The following FCHO2 variants were observed in gnomAD, a reference collection of about 807,000 sequenced individuals.
FCHO2 encodes the protein FCH and mu domain containing endocytic adaptor 2, also known as F-BAR domain only protein 2.
In FCHO2, 43 loss-of-function variants were observed where a neutral mutation model predicts 114.1. The observed-to-expected ratio is 0.38, with a 90% confidence interval of 0.30 to 0.49. The LOEUF is 0.49. Ranked by LOEUF, FCHO2 falls within the 20% of genes least tolerant of loss-of-function variation. The pLI is 0.97. For synonymous variants in FCHO2, 293 were observed against 315.2 expected, an observed-to-expected ratio of 0.93 and a Z score of 0.75; for missense variants, 807 against 950.4, an observed-to-expected ratio of 0.85 and a Z score of 1.98.
At chr5:73,081,645 G>A (rs558126895) in intron 22 of FCHO2, 138 bp from the exon 23 acceptor site, 14 of 531,730 alleles carry the variant, frequency 2.6e-5, no homozygotes, top group African/African-American at 3.9e-5. Flanking sequence ...AGATAGGTCT[G>A]CTTCACTCTG....
intron 2 of FCHO2, among the ~76,000 whole-genome samples, chr5:72,971,468 T>C (rs1273523727): frequency 6.6e-6 from 1 of 152,246 alleles, no homozygotes; most frequent in East Asian, 1.9e-4. Flanking sequence ...TGAGCATTTT[T>C]TCATGTGTTT....
chr5:73,072,137 T>C (rs773796724), intron 19 of FCHO2, among the ~76,000 whole-genome samples: 2 of 151,854 alleles, frequency 1.3e-5, no homozygotes, highest in Non-Finnish European at 2.9e-5. Context: ...CAAGCAGTCC[T>C]CCCACCTCAG....
chr5:73,066,059 A>G (rs1336947550), intron 18 of FCHO2, among the ~76,000 whole-genome samples: 1 of 152,038 alleles, frequency 6.6e-6, no homozygotes, highest in African/African-American at 2.4e-5. Context: ...ATGTTGCTGA[A>G]TGAATTATTC....
At chr5:73,000,657 C>T (rs1023084119) in intron 5 of FCHO2, among the ~76,000 whole-genome samples, 5 of 151,820 alleles carry the variant, frequency 3.3e-5, no homozygotes, top group African/African-American at 1.2e-4. Flanking sequence ...TGCCTGTAAT[C>T]CCAGCTACTC....
intron 22 of FCHO2, 62 bp downstream of exon 22, chr5:73,078,374 T>C: frequency 2.8e-6 from 4 of 1,409,920 alleles, no homozygotes; most frequent in South Asian, 1.4e-5. Flanking sequence ...ATCTAGCATA[T>C]AAATGAATAA....
chr5:73,065,331 A>G (rs1758014284), intron 18 of FCHO2, among the ~76,000 whole-genome samples: 2 of 151,964 alleles, frequency 1.3e-5, no homozygotes, highest in Admixed American at 1.3e-4. Context: ...TGATCGTGTT[A>G]TAAAATTTGG....
At chr5:73,085,384 T>C (rs1743263707) in intron 24 of FCHO2, among the ~76,000 whole-genome samples, 1 of 152,162 alleles carries the variant, frequency 6.6e-6, no homozygotes, top group Admixed American at 6.5e-5. Context: ...AACCAGATTT[T>C]AAGTTTCCCT....
intron 22 of FCHO2, among the ~76,000 whole-genome samples, 176 bp from the exon 23 acceptor site, chr5:73,081,607 C>G (rs1409524960): frequency 6.6e-6 from 1 of 152,126 alleles, no homozygotes; most frequent in Non-Finnish European, 1.5e-5. Context: ...AGTAGGTCCC[C>G]ACATTGAGAA....
intron 6 of FCHO2, among the ~76,000 whole-genome samples, chr5:73,013,009 T>C (rs1320794315): frequency 6.6e-6 from 1 of 152,214 alleles, no homozygotes; most frequent in Non-Finnish European, 1.5e-5. Flanking sequence ...AATTAATGGC[T>C]ACCTGTCTGA....
At position 73,081,973 on chromosome 5, in the gene FCHO2, C is replaced by T. The variant is rs751475360; in HGVS notation, c.2171C>T (p.Pro724Leu). 3.3e-6 allele frequency: 5 copies of T among 1,510,484 alleles called. No individual in the cohort carries two copies. The highest frequency in any genetic ancestry group is 4.5e-6 in the Non-Finnish European group (5 of 1,123,382). 93.6% of individuals were successfully genotyped at this position (1,510,484 alleles called of 1,614,324 possible). A position where few individuals can be genotyped will look rare whatever the true frequency, so the allele number is the denominator to read the frequency against. Residue 724 changes from proline (P) to leucine (L), a missense_variant, in exon 23 of 26, where the codon CCT becomes CTT. Pro to Leu is a moderately conservative substitution (Grantham distance 98, BLOSUM62 -3). Transcript: ENST00000430046. ...GTAACGAACATGCAGTCCCTTCCCC[C>T]TGCAATATGGTAAATTAAACATACG... ...GGVTNMQSLP[P>L]AIWNAEQMKA...
At chr5:73,012,175 G>A (rs547959922) in intron 6 of FCHO2, among the ~76,000 whole-genome samples, 40 of 152,272 alleles carry the variant, frequency 2.6e-4, no homozygotes, top group African/African-American at 8.9e-4. Context: ...CACCACAAAC[G>A]TGAGTAATGC....
chr5:73,087,039 C>T (rs574120956), intron 24 of FCHO2, among the ~76,000 whole-genome samples: 1 of 152,236 alleles, frequency 6.6e-6, no homozygotes, highest in African/African-American at 2.4e-5. Context: ...CTGTTCCTGC[C>T]ATTCCATTAG....
At position 73,077,451 on chromosome 5, in the gene FCHO2, G is replaced by A. The variant is rs1742950244; in HGVS notation, c.1805G>A (p.Ser602Asn). The change falls in exon 21 of 26, where the codon AGC (serine) becomes AAC (asparagine). Residue 602 changes from serine to asparagine, a missense_variant. Coordinates refer to ENST00000430046, the MANE Select transcript of FCHO2 (RefSeq NM_138782.3). Reference protein sequence around the residue: ...AVLCFRVKNISRLEQILPNAQ... With the variant: ...AVLCFRVKNINRLEQILPNAQ... ...TTGTGCTTCAGGGTGAAAAATATCAGCAGACTAGAGCAGATTCTTCCAAAT... is the reference window on the plus strand; with the variant it reads ...TTGTGCTTCAGGGTGAAAAATATCAACAGACTAGAGCAGATTCTTCCAAAT... The A allele has an allele frequency of 1.9e-6, 3 of 1,602,456 alleles. No homozygotes were observed. Among genetic ancestry groups the A allele is most frequent in the Admixed American group, 1.7e-5 (1 of 58,208 alleles).
chr5:73,073,306 T>C (rs1188643669), intron 19 of FCHO2, among the ~76,000 whole-genome samples: 1 of 152,092 alleles, frequency 6.6e-6, no homozygotes, highest in Non-Finnish European at 1.5e-5. Context: ...CTCTCAAACA[T>C]TATCAGTGGT....
chr5:73,033,125 G>A (rs1756320700), intron 8 of FCHO2, among the ~76,000 whole-genome samples: 2 of 152,054 alleles, frequency 1.3e-5, no homozygotes, highest in Non-Finnish European at 2.9e-5. Flanking sequence ...TTCCAGATTT[G>A]CAGAATGGGT....
At chr5:72,997,377 A>C in intron 5 of FCHO2, 1 of 1,592,584 alleles carries the variant, frequency 6.3e-7, no homozygotes, top group Non-Finnish European at 8.6e-7. Context: ...AAGACGAGAT[A>C]CTACGGACAG....
intron 5 of FCHO2, among the ~76,000 whole-genome samples, chr5:73,000,489 A>AG (rs1754377456): frequency 6.7e-6 from 1 of 150,164 alleles, no homozygotes; most frequent in African/African-American, 2.5e-5. Flanking sequence ...AAAAAAAAAA[A>AG]AAAAAGCTGG....
intron 18 of FCHO2, among the ~76,000 whole-genome samples, chr5:73,065,943 C>T (rs922631362): frequency 3.3e-5 from 5 of 151,876 alleles, no homozygotes; most frequent in Non-Finnish European, 7.4e-5. Flanking sequence ...CTGTATATGT[C>T]CATGTGTAAC....
intron 11 of FCHO2, among the ~76,000 whole-genome samples, chr5:73,043,388 A>C (rs1756898836): frequency 6.8e-6 from 1 of 146,620 alleles, no homozygotes; most frequent in Non-Finnish European, 1.5e-5. Context: ...AGTTATAGTA[A>C]CAAAACTTTA....
Sources: gnomAD v4.1 joint callset for allele counts (sites outside exome capture counted in the v4.1 genomes callset) on GRCh38, gnomAD v4.1.1 for gene constraint, MANE v1.5 for transcripts, NCBI Gene and HGNC (gene_info 2026-07-23, HGNC 2026-07-21) for gene names.